LARGE1: variants seen among roughly 807,000 people sequenced by gnomAD.
LARGE1 encodes the protein LARGE xylosyl- and glucuronyltransferase 1, also known as xylosyl- and glucuronyltransferase LARGE1.
Under a neutral mutation model 87.6 loss-of-function variants are expected in LARGE1, and 43 were observed. That is an observed-to-expected ratio of 0.49 (90% CI 0.38 to 0.63). LARGE1 has a LOEUF of 0.63. LARGE1 is among the 30% of genes least tolerant of loss of function. LARGE1 has a pLI of 0.00. For missense variants in LARGE1, 802 were observed against 1,000.2 expected (o/e 0.80, Z 2.67); for synonymous variants, 434 against 394.6 (o/e 1.10, Z -1.18).
intron 11 of LARGE1, among the ~76,000 whole-genome samples, chr22:33,266,046 T>C (rs1382250641): frequency 6.6e-6 from 1 of 151,960 alleles, no homozygotes; most frequent in East Asian, 1.9e-4. Flanking sequence ...AAAGCAAAGA[T>C]TCCTTAATCT....
chr22:33,175,459 T>C (rs2146148391), intron 11 of LARGE1, among the ~76,000 whole-genome samples: 1 of 152,270 alleles, frequency 6.6e-6, no homozygotes, highest in South Asian at 2.1e-4. Flanking sequence ...CAGCAAAGTC[T>C]CAGGATACAA....
At chr22:33,834,631 T>TA (rs1568971617) in intron 1 of LARGE1, among the ~76,000 whole-genome samples, 1 of 152,250 alleles carries the variant, frequency 6.6e-6, no homozygotes, top group Non-Finnish European at 1.5e-5. Flanking sequence ...TTAAAAAGCT[T>TA]TATTGCTCAC....
chr22:33,852,952 G>A (rs1568987458), intron 1 of LARGE1, among the ~76,000 whole-genome samples: 1 of 151,712 alleles, frequency 6.6e-6, no homozygotes, highest in African/African-American at 2.4e-5. Flanking sequence ...AAAGAGGGAT[G>A]GGAATGCCAG....
chr22:33,701,093 G>A (rs2082392974), intron 2 of LARGE1, among the ~76,000 whole-genome samples: 1 of 152,192 alleles, frequency 6.6e-6, no homozygotes, highest in Admixed American at 6.5e-5. Flanking sequence ...CAGCTCCCAG[G>A]TGATGCTGAT....
intron 1 of LARGE1, among the ~76,000 whole-genome samples, chr22:33,912,980 G>A (rs7284260): frequency 0.063 from 9,584 of 152,030 alleles, 1,021 homozygotes; most frequent in African/African-American, 0.22. Flanking sequence ...ACAGGCGTGC[G>A]CCACCACGCC....
At chr22:33,229,209 A>G (rs967263174) in intron 11 of LARGE1, among the ~76,000 whole-genome samples, 1 of 152,212 alleles carries the variant, frequency 6.6e-6, no homozygotes, top group Non-Finnish European at 1.5e-5. Context: ...CTATGTAAGG[A>G]TAGTTCCAAG....
chr22:33,788,355 A>T (rs2085718136), intron 1 of LARGE1, among the ~76,000 whole-genome samples: 1 of 152,168 alleles, frequency 6.6e-6, no homozygotes, highest in Admixed American at 6.5e-5. Context: ...TCCCTTATAA[A>T]TTACCCAGTC....
chr22:33,104,341 T>C, the LARGE1 span, among the ~76,000 whole-genome samples: 1 of 152,200 alleles, frequency 6.6e-6, no homozygotes, highest in Non-Finnish European at 1.5e-5. Flanking sequence ...ACATGAATGA[T>C]TTCTGTTTCT....
chr22:33,690,249 C>T (rs73170524), intron 2 of LARGE1, among the ~76,000 whole-genome samples: 11 of 152,340 alleles, frequency 7.2e-5, no homozygotes, highest in Admixed American at 1.3e-4. Context: ...AATGAAGTAA[C>T]AGCTACGTGA....
At chr22:33,779,608 C>T (rs1167745702) in intron 1 of LARGE1, among the ~76,000 whole-genome samples, 2 of 151,830 alleles carry the variant, frequency 1.3e-5, no homozygotes, top group Non-Finnish European at 2.9e-5. Flanking sequence ...AGTGAAACCC[C>T]ATCTCTACTC....
intron 1 of LARGE1, among the ~76,000 whole-genome samples, chr22:33,898,238 G>A (rs1012565503): frequency 2.0e-5 from 3 of 152,134 alleles, no homozygotes; most frequent in African/African-American, 7.2e-5. Context: ...CAAGTGGCCT[G>A]AATTTTATCA....
In LARGE1 at chr22:33,337,798, T is replaced by TGACC; in HGVS notation, c.1132-1_1134dup (p.Ile379GlyfsTer31). 1.2e-6 allele frequency: 2 copies of TGACC among 1,614,144 alleles called. No homozygotes were observed. Among genetic ancestry groups the TGACC allele is most frequent in the Non-Finnish European group, 1.7e-6 (2 of 1,180,026 alleles). Reference sequence around the variant, plus strand: ...AGCTTCTTGGGGGAGTTCCAGTGAATGACCTGGCAGGGAGATAAGGAAGTG... The same window carrying TGACC: ...AGCTTCTTGGGGGAGTTCCAGTGAATGACCGACCTGGCAGGGAGATAAGGAAGTG... On this transcript the variant is annotated frameshift_variant, in exon 10 of 15. Coordinates refer to ENST00000397394, the MANE Select transcript of LARGE1 (RefSeq NM_133642.5). LOFTEE classifies it high-confidence loss of function.
In LARGE1 at chr22:33,311,105, C is replaced by T. The variant is rs890918174; in HGVS notation, c.1451+4980G>A. On this transcript the variant is annotated intron_variant, in intron 11 of 14. Coordinates refer to ENST00000397394, the MANE Select transcript of LARGE1 (RefSeq NM_133642.5). Reference sequence around the variant, plus strand: ...CCTCCCGTGTAGCTGGGACTACAGGCGCCCGCCACCATGCCAGGCTAATTT... The same window carrying T: ...CCTCCCGTGTAGCTGGGACTACAGGTGCCCGCCACCATGCCAGGCTAATTT... 5.9e-5 allele frequency among the ~76,000 whole-genome samples: 9 copies of T among 152,196 alleles called. No homozygotes were observed. The South Asian group carries it at 1.0e-3, about 18-fold the overall frequency.
intron 7 of LARGE1, among the ~76,000 whole-genome samples, chr22:33,420,473 G>A (rs1464741466): frequency 6.6e-6 from 1 of 152,230 alleles, no homozygotes; most frequent in Non-Finnish European, 1.5e-5. Context: ...GTGGAAAACG[G>A]AATAGCATGG....
At chr22:33,692,958 G>A (rs1348614829) in intron 2 of LARGE1, among the ~76,000 whole-genome samples, 2 of 152,086 alleles carry the variant, frequency 1.3e-5, no homozygotes, top group Admixed American at 1.3e-4. Flanking sequence ...TATGTTCACT[G>A]CAGCACTATT....
At chr22:33,134,292 T>C in the LARGE1 span, among the ~76,000 whole-genome samples, 1 of 147,078 alleles carries the variant, frequency 6.8e-6, no homozygotes, top group Admixed American at 6.9e-5. Flanking sequence ...AGAGTCTTGC[T>C]CTGTCGCCCA....
intron 5 of LARGE1, among the ~76,000 whole-genome samples, chr22:33,590,081 T>C (rs1027924972): frequency 6.6e-6 from 1 of 152,218 alleles, no homozygotes; most frequent in Non-Finnish European, 1.5e-5. Flanking sequence ...ATGATTCATC[T>C]TTCTTTTCTG....
intron 13 of LARGE1, among the ~76,000 whole-genome samples, chr22:33,281,114 C>T (rs1366140581): frequency 1.3e-5 from 2 of 152,142 alleles, no homozygotes; most frequent in African/African-American, 4.8e-5. Context: ...GAGACAAGGG[C>T]TGTAACTTAG....
At chr22:33,281,391 T>TA (rs3216416) in intron 13 of LARGE1, among the ~76,000 whole-genome samples, 67 of 146,880 alleles carry the variant, frequency 4.6e-4, no homozygotes, top group Middle Eastern at 3.5e-3. Flanking sequence ...AAACACTGGT[T>TA]AAAAAAAAAA....
Sources: allele counts gnomAD v4.1 joint callset (sites outside exome capture counted in the v4.1 genomes callset), GRCh38; gene constraint gnomAD v4.1.1; transcripts MANE v1.5; gene names NCBI Gene and HGNC (gene_info 2026-07-23, HGNC 2026-07-21).